DLG2: variants seen among roughly 807,000 people sequenced by gnomAD.
DLG2 encodes the protein discs large MAGUK scaffold protein 2.
A neutral mutation model predicts 132.5 loss-of-function variants in DLG2; 45 were observed. That is an observed-to-expected ratio of 0.34 (90% confidence interval 0.27 to 0.44). DLG2 has a LOEUF of 0.44. Among genes scored for constraint, DLG2 ranks in the 20% least tolerant of loss-of-function variants. The pLI is 1.00. For missense variants in DLG2, 1,045 were observed against 1,196.9 expected (o/e 0.87, Z 1.87); for synonymous variants, 424 against 419.6 (o/e 1.01, Z -0.13).
chr11:85,399,514 T>C (rs2087809583), intron 3 of DLG2, among the ~76,000 whole-genome samples: 1 of 152,170 alleles, frequency 6.6e-6, no homozygotes, highest in Non-Finnish European at 1.5e-5. Context: ...GGCATCACGC[T>C]ACCTGACTTC....
chr11:85,416,832 G>A (rs1416619375), intron 3 of DLG2, among the ~76,000 whole-genome samples: 2 of 152,164 alleles, frequency 1.3e-5, no homozygotes, highest in Non-Finnish European at 2.9e-5. Context: ...TGAGCATAAA[G>A]AGCTTTTCGG....
chr11:83,466,586 T>C, intron 26 of DLG2, 122 bp downstream of exon 26: 1 of 562,058 alleles, frequency 1.8e-6, no homozygotes. Flanking sequence ...AAGAGAATGC[T>C]GAAAAATCAA....
intron 7 of DLG2, among the ~76,000 whole-genome samples, chr11:84,532,992 T>C (rs2099346513): frequency 6.6e-6 from 1 of 152,200 alleles, no homozygotes; most frequent in African/African-American, 2.4e-5. Context: ...GATTCTATAC[T>C]GAACACAGAA....
At chr11:84,888,675 A>T (rs1197099218) in intron 6 of DLG2, among the ~76,000 whole-genome samples, 1 of 50,770 alleles carries the variant, frequency 2.0e-5, no homozygotes, top group Non-Finnish European at 4.5e-5. Context: ...TCTCAGGCAA[A>T]AAAAAAAATC....
At chr11:83,467,790 T>G (rs1281483389) in intron 25 of DLG2, among the ~76,000 whole-genome samples, 3 of 101,030 alleles carry the variant, frequency 3.0e-5, no homozygotes, top group Non-Finnish European at 5.8e-5. Context: ...TATATATATA[T>G]ATATATATAT....
At chr11:84,093,859 C>G (rs900933688) in intron 10 of DLG2, among the ~76,000 whole-genome samples, 1 of 152,272 alleles carries the variant, frequency 6.6e-6, no homozygotes, top group South Asian at 2.1e-4. Context: ...AAGTTATCCA[C>G]CTGCCTCAGC....
intron 16 of DLG2, among the ~76,000 whole-genome samples, chr11:83,851,343 G>A (rs2059732946): frequency 6.6e-6 from 1 of 152,094 alleles, no homozygotes; most frequent in African/African-American, 2.4e-5. Context: ...AGACAGCCAG[G>A]GCTGGGCGGG....
At chr11:83,846,512 C>A (rs571086822) in intron 16 of DLG2, among the ~76,000 whole-genome samples, 8 of 152,278 alleles carry the variant, frequency 5.3e-5, no homozygotes, top group African/African-American at 1.9e-4. Flanking sequence ...TTCTAAAGGT[C>A]TCTAAAGACA....
At chr11:83,909,627 CT>C (rs1480002592) in intron 15 of DLG2, among the ~76,000 whole-genome samples, 1 of 152,278 alleles carries the variant, frequency 6.6e-6, no homozygotes, top group East Asian at 1.9e-4. Flanking sequence ...TTCAAAATTA[CT>C]GATGTCCATT....
chr11:84,484,665 T>C (rs2099146427), intron 7 of DLG2, among the ~76,000 whole-genome samples: 1 of 152,184 alleles, frequency 6.6e-6, no homozygotes, highest in Non-Finnish European at 1.5e-5. Flanking sequence ...ATCCCCAATT[T>C]CGACTGGCTC....
chr11:83,893,315 A>G (rs1837633510), intron 15 of DLG2, among the ~76,000 whole-genome samples: 1 of 152,228 alleles, frequency 6.6e-6, no homozygotes, highest in Admixed American at 6.5e-5. Flanking sequence ...CATTGCAGTT[A>G]GAATAAAATA....
At chr11:83,710,967 T>C (rs1182261577) in intron 18 of DLG2, among the ~76,000 whole-genome samples, 2 of 152,144 alleles carry the variant, frequency 1.3e-5, no homozygotes, top group Non-Finnish European at 2.9e-5. Context: ...TGTGTTAAAC[T>C]CTTAACATGG....
intron 7 of DLG2, among the ~76,000 whole-genome samples, chr11:84,338,332 C>T (rs547875247): frequency 6.6e-6 from 1 of 152,146 alleles, no homozygotes; most frequent in Non-Finnish European, 1.5e-5. Flanking sequence ...TGTTCACTCT[C>T]TTCTCTGAAA....
In DLG2 at chr11:84,429,012, G is replaced by A. The variant is rs182386578; in HGVS notation, c.519+105558C>T. Among the ~76,000 whole-genome samples the A allele has an allele frequency of 1.5e-3, 228 of 152,180 alleles. 1 individual carries two copies. The highest frequency in any genetic ancestry group is 2.7e-3 in the Non-Finnish European group (183 of 68,010). On this transcript the variant is annotated intron_variant, in intron 7 of 27. Coordinates refer to ENST00000376104, the MANE Select transcript of DLG2 (RefSeq NM_001142699.3). The stretch of plus-strand genomic sequence containing the variant: ...AAGGAAGAGAACCAAAGCCTCAAAC[G>A]CAATGCTATAAAATGCCTCATAATT...
At chr11:84,265,292 G>A (rs967275789) in intron 7 of DLG2, among the ~76,000 whole-genome samples, 2 of 152,106 alleles carry the variant, frequency 1.3e-5, no homozygotes, top group African/African-American at 2.4e-5. Flanking sequence ...ACACTTTTGG[G>A]TCAGGCACTG....
chr11:85,246,010 C>G (rs1204716345), intron 4 of DLG2, among the ~76,000 whole-genome samples: 1 of 151,930 alleles, frequency 6.6e-6, no homozygotes, highest in Non-Finnish European at 1.5e-5. Flanking sequence ...GCAACTCACT[C>G]CCACTCCAAT....
intron 7 of DLG2, among the ~76,000 whole-genome samples, chr11:84,270,518 G>C (rs2097706968): frequency 1.3e-5 from 2 of 152,156 alleles, no homozygotes; most frequent in African/African-American, 4.8e-5. Flanking sequence ...TCACCAATAT[G>C]AATTTTATAT....
chr11:84,703,893 T>TAC (rs1596084477), intron 6 of DLG2, among the ~76,000 whole-genome samples: 1 of 138,166 alleles, frequency 7.2e-6, no homozygotes, highest in East Asian at 2.1e-4. Context: ...TACACGTGTG[T>TAC]GTGTGTGTGT....
At chr11:84,726,058 T>C (rs2062411830) in intron 6 of DLG2, among the ~76,000 whole-genome samples, 1 of 152,102 alleles carries the variant, frequency 6.6e-6, no homozygotes. Context: ...CCCATATAAA[T>C]GGACTCTAAT....
Sources: allele counts gnomAD v4.1 joint callset (sites outside exome capture counted in the v4.1 genomes callset), GRCh38; gene constraint gnomAD v4.1.1; transcripts MANE v1.5; gene names NCBI Gene and HGNC (gene_info 2026-07-23, HGNC 2026-07-21).